The following CHAT variants were observed in gnomAD, a reference collection of about 807,000 sequenced individuals.
CHAT encodes the protein choline O-acetyltransferase, also known as acetyl CoA:choline O-acetyltransferase.
A neutral mutation model predicts 76.9 loss-of-function variants in CHAT; 61 were observed. The ratio of observed to expected loss-of-function variants is 0.79; its 90% confidence interval spans 0.65 to 0.98. The LOEUF is 0.98. CHAT is among the 50% of genes least tolerant of loss of function. The pLI is 0.00. For missense variants in CHAT, 946 were observed against 986.9 expected, an observed-to-expected ratio of 0.96 and a Z score of 0.56; for synonymous variants, 407 against 397.4, an observed-to-expected ratio of 1.02 and a Z score of -0.29.
intron 13 of CHAT, among the ~76,000 whole-genome samples, chr10:49,657,770 C>A (rs1840077744): frequency 6.6e-6 from 1 of 152,158 alleles, no homozygotes; most frequent in Non-Finnish European, 1.5e-5. Flanking sequence ...GTAAAATTGA[C>A]CAAGCCAAGA....
At chr10:49,648,348 C>A (rs1839748533) in intron 8 of CHAT, among the ~76,000 whole-genome samples, 159 bp from the exon 9 acceptor site, 1 of 152,180 alleles carries the variant, frequency 6.6e-6, no homozygotes, top group Admixed American at 6.5e-5. Context: ...TATTCTCAGG[C>A]CACTGCAATC....
At chr10:49,646,439 G>C (rs2132799047) in intron 7 of CHAT, 66 bp from the exon 8 acceptor site, 7 of 1,589,878 alleles carry the variant, frequency 4.4e-6, no homozygotes, top group Non-Finnish European at 5.2e-6. Context: ...CCTGTGTGGG[G>C]CTCTGAGGAG....
At chr10:49,613,248 G>A (rs1838349534), upstream of CHAT, 2 of 152,276 alleles carry the variant, frequency 1.3e-5, no homozygotes, top group Admixed American at 1.3e-4. Flanking sequence ...CTTGTCCTAG[G>A]AGGAGTGGGG....
chr10:49,653,977 G>C (rs987782878), intron 11 of CHAT, among the ~76,000 whole-genome samples: 3 of 152,252 alleles, frequency 2.0e-5, no homozygotes, highest in African/African-American at 4.8e-5. Flanking sequence ...AGAGGCTCCT[G>C]GGTTCATCGA....
At chr10:49,664,641 C>A in intron 14 of CHAT, 136 bp from the exon 15 acceptor site, 2 of 1,116,340 alleles carry the variant, frequency 1.8e-6, no homozygotes, top group Non-Finnish European at 1.4e-6. Flanking sequence ...CTGGCTGTGT[C>A]CATCCATGCT....
Position 49,620,642 on chromosome 10 carries a change from C to A in CHAT, c.698+29C>A, listed in dbSNP as rs374910319. ...AGGCCTTGGTGCTCCTAGCTCATAACCTGGGGACCCACCCAAGGCAGGGGC... is the reference window on the plus strand; with the variant it reads ...AGGCCTTGGTGCTCCTAGCTCATAAACTGGGGACCCACCCAAGGCAGGGGC... On this transcript the variant is annotated intron_variant, in intron 4 of 14. Coordinates refer to ENST00000337653, the MANE Select transcript of CHAT (RefSeq NM_020549.5). 3.2e-6 allele frequency: 5 copies of A among 1,553,430 alleles called. No individual in the cohort carries two copies. The African/African-American group carries it at 5.4e-5, about 17-fold the overall frequency.
intron 10 of CHAT, among the ~76,000 whole-genome samples, chr10:49,651,085 G>A (rs551619269): frequency 1.8e-4 from 28 of 152,066 alleles, no homozygotes; most frequent in African/African-American, 6.5e-4. Context: ...GGGTCCTGAG[G>A]GGCCCATACA....
intron 7 of CHAT, among the ~76,000 whole-genome samples, chr10:49,631,795 G>C (rs1170038697): frequency 6.6e-6 from 1 of 152,068 alleles, no homozygotes; most frequent in Non-Finnish European, 1.5e-5. Flanking sequence ...TGTGGAGATG[G>C]AGGAGTTGGG....
At chr10:49,613,960 A>G, upstream of CHAT, 1 of 716,916 alleles carries the variant, frequency 1.4e-6, no homozygotes, top group East Asian at 2.8e-5. Flanking sequence ...AGACTTCCTC[A>G]GACCCAACCC....
chr10:49,640,354 T>C (rs1197560165), intron 7 of CHAT, among the ~76,000 whole-genome samples: 2 of 152,110 alleles, frequency 1.3e-5, no homozygotes, highest in Non-Finnish European at 2.9e-5. Flanking sequence ...CTTGGGATCT[T>C]ATTTAAGCTT....
intron 14 of CHAT, among the ~76,000 whole-genome samples, chr10:49,663,721 G>A (rs1015586921): frequency 6.6e-6 from 1 of 152,236 alleles, no homozygotes; most frequent in Non-Finnish European, 1.5e-5. Context: ...CAGTACTGGA[G>A]TTGATAAGCT....
At chr10:49,648,893 G>A (rs1465722309) in intron 9 of CHAT, among the ~76,000 whole-genome samples, 1 of 152,166 alleles carries the variant, frequency 6.6e-6, no homozygotes, top group Non-Finnish European at 1.5e-5. Flanking sequence ...GAGAGGGGAA[G>A]CCTACATCGA....
intron 2 of CHAT, among the ~76,000 whole-genome samples, chr10:49,617,047 C>T (rs1008981737): frequency 6.6e-6 from 1 of 152,160 alleles, no homozygotes; most frequent in African/African-American, 2.4e-5. Context: ...GAGACAATGC[C>T]ATCCTCCCTG....
upstream of CHAT, chr10:49,611,392 C>G (rs1838291198): frequency 6.3e-7 from 1 of 1,598,950 alleles, no homozygotes; most frequent in Non-Finnish European, 8.5e-7. Flanking sequence ...GGGCGTGGCG[C>G]TGGCCTTCAT....
rs745938985 is a variant in CHAT at position 49,648,585 on chromosome 10, A to T, written c.1360A>T (p.Thr454Ser). The T allele has an allele frequency of 6.2e-7, 1 of 1,613,296 alleles. No individual in the cohort carries two copies. Among genetic ancestry groups the T allele is most frequent in the East Asian group, 2.2e-5 (1 of 44,870 alleles). The change falls in exon 9 of 15, where the codon ACT (threonine) becomes TCT (serine). Residue 454 changes from threonine (T) to serine (S), a missense_variant. By Grantham distance (58) the Thr-to-Ser change is moderately conservative. Coordinates refer to ENST00000337653, the MANE Select transcript of CHAT (RefSeq NM_020549.5). The stretch of plus-strand genomic sequence containing the variant: ...CGATGGCATCGTCCTGGTGCAGTGC[A>T]CTGAGCATCTGCTCAAGCACGTGTG... ...PFDGIVLVQC[T>S]EHLLKHVTQS...
At chr10:49,632,201 A>G (rs981503675) in intron 7 of CHAT, among the ~76,000 whole-genome samples, 24 of 152,284 alleles carry the variant, frequency 1.6e-4, no homozygotes, top group Admixed American at 1.3e-3. Flanking sequence ...AGACACCTAC[A>G]GAAGAGTTTA....
At position 49,662,692 on chromosome 10, in the gene CHAT, G is replaced by C. The variant is rs1181000347; in HGVS notation, c.1887G>C (p.Glu629Asp). The change falls in exon 14 of 15, where the codon GAG becomes GAC. Residue 629 changes from glutamate to aspartate, a missense_variant. By Grantham distance (45) the Glu-to-Asp change is conservative. Around this residue, in one of 3 missense-constraint regions of CHAT, gnomAD observed 349 missense variants for 393.9 expected, o/e 0.89. Transcript: ENST00000337653. ...AIDNHLLALR[E>D]LARAMCKELP... is the part of the protein sequence containing the mutation. ...ACAACCACCTGCTGGCACTGCGGGA[G>C]CTGGCCCGGGCCATGTGCAAGGAGC... The C allele has an allele frequency of 6.2e-7, 1 of 1,614,220 alleles. No homozygotes were observed.
chr10:49,622,417 G>A (rs899572191), intron 5 of CHAT, among the ~76,000 whole-genome samples: 7 of 152,214 alleles, frequency 4.6e-5, no homozygotes, highest in Admixed American at 2.0e-4. Flanking sequence ...ACGTGCACAG[G>A]TGGAGTGAAT....
intron 11 of CHAT, 150 bp downstream of exon 11, chr10:49,652,156 G>A (rs1839900430): frequency 9.2e-7 from 1 of 1,084,554 alleles, no homozygotes; most frequent in African/African-American, 1.6e-5. Flanking sequence ...AGGAGGAGCA[G>A]ACTGAACTGG....
Sources: gnomAD v4.1 joint callset for allele counts (sites outside exome capture counted in the v4.1 genomes callset) on GRCh38, gnomAD v4.1.1 for gene constraint, gnomAD v4.1.1 regional missense constraint, MANE v1.5 for transcripts, NCBI Gene and HGNC (gene_info 2026-07-23, HGNC 2026-07-21) for gene names.